The following PHKB variants were observed in gnomAD, a reference collection of about 807,000 sequenced individuals.
PHKB encodes the protein phosphorylase b kinase regulatory subunit beta.
Under a neutral mutation model 152.1 loss-of-function variants are expected in PHKB, and 122 were observed. The ratio of observed to expected loss-of-function variants is 0.80; its 90% CI spans 0.69 to 0.93. PHKB has a LOEUF of 0.93. Ranked by LOEUF, PHKB falls within the 40% of genes least tolerant of loss-of-function variation. PHKB has a pLI of 0.00. For synonymous variants in PHKB, 436 were observed against 464.9 expected (o/e 0.94, Z 0.80); for missense variants, 1,304 against 1,328.4 (o/e 0.98, Z 0.29).
intron 7 of PHKB, among the ~76,000 whole-genome samples, chr16:47,564,352 T>C (rs938033388): frequency 6.6e-6 from 1 of 152,162 alleles, no homozygotes; most frequent in African/African-American, 2.4e-5. Context: ...TTTTTTGACT[T>C]TTTAATAATG....
intron 14 of PHKB, among the ~76,000 whole-genome samples, chr16:47,616,959 A>G (rs1407477964): frequency 2.6e-5 from 4 of 151,270 alleles, no homozygotes; most frequent in Non-Finnish European, 5.9e-5. Flanking sequence ...CACTTGTGCT[A>G]TTGTTTGTGG....
chr16:47,697,686 G>A (rs1451705033), intron 29 of PHKB, among the ~76,000 whole-genome samples: 1 of 152,172 alleles, frequency 6.6e-6, no homozygotes, highest in Non-Finnish European at 1.5e-5. Context: ...TATGAGGCGT[G>A]TTTCCTGTTC....
At position 47,663,827 on chromosome 16, in the gene PHKB, C is replaced by A. The variant is rs553850792; in HGVS notation, c.2336+93C>A. On this transcript the variant is annotated intron_variant, in intron 24 of 30. Transcript: ENST00000323584. ...TGGACCAATATTAAAGATAGTTATT[C>A]ATCCTAATTTTTACTTTTAACCTCC... 408 of 819,846 alleles carry A rather than the reference C, an allele frequency of 5.0e-4. 3 individuals are homozygous for A. The highest frequency in any genetic ancestry group is 2.2e-3 in the Middle Eastern group (9 of 4,080). The allele number at this position is 819,846 out of a possible 1,614,324, so 50.8% of individuals were successfully genotyped here.
rs529405390 is a variant in PHKB at position 47,681,941 on chromosome 16, C to T, written c.2631-7100C>T. Among the ~76,000 whole-genome samples the T allele has an allele frequency of 5.9e-5, 9 of 152,286 alleles. No individual in the cohort carries two copies. In the East Asian group the frequency reaches 1.5e-3, roughly 26 times the overall value. ...TCCTTTCCATGTTTAGTGCTTCCTT[C>T]AGGAGCTCTTTTAGGGCAGGCCTGG... is the stretch of plus-strand genomic sequence containing the variant. On this transcript the variant is annotated intron_variant, in intron 26 of 30. Transcript: ENST00000323584.
At chr16:47,576,232 T>G (rs1330798252) in intron 7 of PHKB, among the ~76,000 whole-genome samples, 2 of 152,222 alleles carry the variant, frequency 1.3e-5, no homozygotes, top group East Asian at 1.9e-4. Context: ...TTTCCCTCTA[T>G]TCCTAGTTTT....
intron 6 of PHKB, 91 bp downstream of exon 6, chr16:47,515,692 G>A: frequency 2.8e-6 from 2 of 710,934 alleles, no homozygotes; most frequent in Non-Finnish European, 5.1e-6. Context: ...TTTAGTTTAT[G>A]TAAAATGTAT....
chr16:47,520,774 C>T (rs1970672325), intron 6 of PHKB, among the ~76,000 whole-genome samples: 1 of 152,170 alleles, frequency 6.6e-6, no homozygotes, highest in Non-Finnish European at 1.5e-5. Context: ...TAACATCATG[C>T]AGTCCATATT....
intron 26 of PHKB, among the ~76,000 whole-genome samples, chr16:47,681,700 C>T (rs931032906): frequency 6.6e-6 from 1 of 152,142 alleles, no homozygotes; most frequent in Non-Finnish European, 1.5e-5. Context: ...ATACAGCACA[C>T]TGATGGGTCT....
intron 1 of PHKB, among the ~76,000 whole-genome samples, chr16:47,484,791 A>G (rs1970022199): frequency 6.6e-6 from 1 of 152,234 alleles, no homozygotes; most frequent in South Asian, 2.1e-4. Flanking sequence ...ATCTTGTGCA[A>G]TGCATAAGTA....
intron 7 of PHKB, among the ~76,000 whole-genome samples, chr16:47,555,429 A>G (rs1010286019): frequency 6.6e-6 from 1 of 152,242 alleles, no homozygotes; most frequent in Non-Finnish European, 1.5e-5. Context: ...TTAAATAGAT[A>G]GACCTATCTT....
intron 10 of PHKB, 32 bp from the exon 11 acceptor site, chr16:47,593,468 T>A (rs1293505910): frequency 9.4e-7 from 1 of 1,067,104 alleles, no homozygotes; most frequent in East Asian, 2.4e-5. Flanking sequence ...TAATTGTTAG[T>A]GTAAAATTTA....
At chr16:47,567,809 GT>G (rs1374272930) in intron 7 of PHKB, among the ~76,000 whole-genome samples, 12 of 152,240 alleles carry the variant, frequency 7.9e-5, no homozygotes, top group East Asian at 1.9e-4. Context: ...TATGGTTTCT[GT>G]TTTTTATTCT....
intron 14 of PHKB, among the ~76,000 whole-genome samples, chr16:47,621,729 A>G (rs1972621334): frequency 1.3e-5 from 2 of 152,230 alleles, no homozygotes; most frequent in South Asian, 4.1e-4. Flanking sequence ...AAAATAGTCA[A>G]GGCATCAAAG....
chr16:47,615,866 A>C (rs1272945201), intron 14 of PHKB, among the ~76,000 whole-genome samples: 1 of 152,206 alleles, frequency 6.6e-6, no homozygotes, highest in Non-Finnish European at 1.5e-5. Flanking sequence ...AATAATGGCT[A>C]TCATTTATTG....
Position 47,497,454 on chromosome 16 carries a change from T to G in PHKB, c.132T>G (p.Thr44=). Reference sequence around the variant, plus strand: ...ATCTTCCAAGACCTGATAATGAAACTCTCTGGGATAAGTTGGACCATTATT... The same window carrying G: ...ATCTTCCAAGACCTGATAATGAAACGCTCTGGGATAAGTTGGACCATTATT... ...SINLPRPDNE[T]LWDKLDHYYR... Residue 44 remains threonine, a synonymous_variant, in exon 2 of 31, where the codon ACT becomes ACG. Transcript: ENST00000323584. The G allele has an allele frequency of 1.2e-6, 2 of 1,609,616 alleles. No individual in the cohort carries two copies. The highest frequency in any genetic ancestry group is 1.7e-6 in the Non-Finnish European group (2 of 1,177,524).
chr16:47,649,713 G>A (rs936174026), intron 18 of PHKB, among the ~76,000 whole-genome samples: 34 of 123,548 alleles, frequency 2.8e-4, no homozygotes, highest in Admixed American at 7.4e-5. Flanking sequence ...CTTGCCAGCT[G>A]TGTGTTCTTG....
intron 1 of PHKB, chr16:47,463,710 G>C (rs1969616673): frequency 1.8e-6 from 1 of 559,436 alleles, no homozygotes; most frequent in Non-Finnish European, 3.2e-6. Context: ...ATCCATATGA[G>C]CAAGTGTAAT....
chr16:47,548,606 C>CAAAAAAAAAAAAAAAAAAAAAAAA (rs11333810), intron 7 of PHKB, among the ~76,000 whole-genome samples: 1 of 83,548 alleles, frequency 1.2e-5, no homozygotes. Context: ...GACTCCGTCT[C>CAAAAAAAAAAAAAAAAAAAAAAAA]AAAAAAAAAA....
At chr16:47,575,678 G>A (rs776328713) in intron 7 of PHKB, among the ~76,000 whole-genome samples, 18 of 152,288 alleles carry the variant, frequency 1.2e-4, no homozygotes, top group Non-Finnish European at 2.2e-4. Context: ...CATAGAGTGT[G>A]GAATGATAGA....
Sources: gnomAD v4.1 joint callset for allele counts (sites outside exome capture counted in the v4.1 genomes callset) on GRCh38, gnomAD v4.1.1 for gene constraint, MANE v1.5 for transcripts, NCBI Gene and HGNC (gene_info 2026-07-23, HGNC 2026-07-21) for gene names.